LINGO2: variants seen among roughly 807,000 people sequenced by gnomAD.
LINGO2 encodes leucine rich repeat and Ig domain containing 2.
A neutral mutation model predicts 30.6 loss-of-function variants in LINGO2; 14 were observed. That is an observed-to-expected ratio of 0.46 (90% CI 0.30 to 0.72). The LOEUF is 0.72. LINGO2 is among the 30% of genes least tolerant of loss of function. The pLI, the probability that LINGO2 is intolerant of heterozygous loss-of-function variation, is 0.07. For missense variants in LINGO2, 729 were observed against 751.7 expected (o/e 0.97, Z 0.35); for synonymous variants, 317 against 288.5 (o/e 1.10, Z -1.00).
chr9:29,213,030 G>A, the LINGO2 span, among the ~76,000 whole-genome samples: 1 of 152,110 alleles, frequency 6.6e-6, no homozygotes, highest in African/African-American at 2.4e-5. Context: ...AGCTCTGAAG[G>A]CTCCTCCTTT....
At chr9:27,958,359 T>C (rs913073524) in intron 5 of LINGO2, among the ~76,000 whole-genome samples, 1 of 152,188 alleles carries the variant, frequency 6.6e-6, no homozygotes, top group African/African-American at 2.4e-5. Flanking sequence ...TGTTAATATT[T>C]GGTCAGTAGT....
chr9:29,152,659 G>T, the LINGO2 span, among the ~76,000 whole-genome samples: 3 of 152,078 alleles, frequency 2.0e-5, no homozygotes, highest in Non-Finnish European at 4.4e-5. Context: ...AGGAGGAAAT[G>T]GGGAAAGGCT....
At chr9:28,647,893 CTTT>C (rs5897315) in intron 1 of LINGO2, among the ~76,000 whole-genome samples, 1,847 of 130,200 alleles carry the variant, frequency 0.014, 34 homozygotes, top group African/African-American at 0.047. Context: ...TTCTTTCTTT[CTTT>C]TTTTTTTTTT....
At chr9:29,101,741 G>T in the LINGO2 span, among the ~76,000 whole-genome samples, 2 of 152,084 alleles carry the variant, frequency 1.3e-5, no homozygotes, top group Non-Finnish European at 2.9e-5. Flanking sequence ...CAAATGACAG[G>T]ATCTCACTCT....
chr9:28,799,554 C>T, the LINGO2 span, among the ~76,000 whole-genome samples: 7 of 152,072 alleles, frequency 4.6e-5, 1 homozygote, highest in African/African-American at 1.4e-4. Context: ...GTTTTAAGAA[C>T]TGAGAGGAGA....
the LINGO2 span, among the ~76,000 whole-genome samples, chr9:28,996,076 T>C: frequency 6.6e-5 from 10 of 151,756 alleles, no homozygotes; most frequent in African/African-American, 2.4e-4. Context: ...AATGTGAAGT[T>C]TTTGATAGGC....
At chr9:27,976,319 C>T (rs1820592681) in intron 5 of LINGO2, among the ~76,000 whole-genome samples, 1 of 151,848 alleles carries the variant, frequency 6.6e-6, no homozygotes, top group Non-Finnish European at 1.5e-5. Flanking sequence ...AAGTATGGGG[C>T]CCCCAAAATC....
At chr9:27,944,065 A>G (rs906426222), downstream of LINGO2, 3 of 152,118 alleles carry the variant, frequency 2.0e-5, no homozygotes, top group Non-Finnish European at 2.9e-5. Context: ...AAACATCTTA[A>G]TTATGTATTT....
chr9:28,982,315 T>C, the LINGO2 span, among the ~76,000 whole-genome samples: 2 of 152,062 alleles, frequency 1.3e-5, no homozygotes, highest in Admixed American at 1.3e-4. Flanking sequence ...TTACTAATAA[T>C]TGAAAAAGTC....
At chr9:29,003,735 G>A in the LINGO2 span, among the ~76,000 whole-genome samples, 1,866 of 152,036 alleles carry the variant, frequency 0.012, 40 homozygotes, top group African/African-American at 0.043. Flanking sequence ...CCAGAGAATC[G>A]CCAAGCCTTT....
intron 3 of LINGO2, among the ~76,000 whole-genome samples, chr9:28,309,567 A>G (rs898202796): frequency 8.5e-5 from 13 of 152,048 alleles, no homozygotes; most frequent in African/African-American, 3.1e-4. Context: ...ATGGACCCTA[A>G]AAGTTAAAGT....
the LINGO2 span, among the ~76,000 whole-genome samples, chr9:29,198,855 G>A: frequency 6.6e-6 from 1 of 152,186 alleles, no homozygotes; most frequent in East Asian, 1.9e-4. Flanking sequence ...ATTTCCAGGG[G>A]CTGGGGGAGA....
chr9:28,828,219 C>G, the LINGO2 span, among the ~76,000 whole-genome samples: 1 of 151,756 alleles, frequency 6.6e-6, no homozygotes, highest in Non-Finnish European at 1.5e-5. Flanking sequence ...CCAACTAGAC[C>G]AGGTTGTCTT....
intron 1 of LINGO2, among the ~76,000 whole-genome samples, chr9:28,605,597 G>A (rs1014511827): frequency 2.6e-5 from 4 of 151,926 alleles, no homozygotes; most frequent in African/African-American, 9.7e-5. Context: ...AAGTAACAAG[G>A]GAAGGCTTTT....
the LINGO2 span, among the ~76,000 whole-genome samples, chr9:28,681,644 T>C: frequency 6.6e-6 from 1 of 152,118 alleles, no homozygotes; most frequent in Non-Finnish European, 1.5e-5. Context: ...GGGTTAAAGC[T>C]ACACTGGCTA....
intron 4 of LINGO2, among the ~76,000 whole-genome samples, chr9:28,195,690 C>T (rs1819987437): frequency 6.6e-6 from 1 of 151,392 alleles, no homozygotes; most frequent in African/African-American, 2.4e-5. Context: ...CTTCCATCAA[C>T]AAACATCTCC....
chr9:28,189,654 AG>A (rs1311751829), intron 4 of LINGO2, among the ~76,000 whole-genome samples: 6 of 77,694 alleles, frequency 7.7e-5, no homozygotes, highest in Non-Finnish European at 1.7e-4. Flanking sequence ...GGAGGGAGGA[AG>A]GAAGGAAGGA....
the LINGO2 span, among the ~76,000 whole-genome samples, chr9:28,718,732 C>T: frequency 2.6e-3 from 393 of 152,136 alleles, 3 homozygotes; most frequent in African/African-American, 9.1e-3. Context: ...TACTGGCATA[C>T]TTAACTCATT....
intron 3 of LINGO2, among the ~76,000 whole-genome samples, chr9:28,331,469 T>G (rs1346392300): frequency 6.6e-6 from 1 of 152,124 alleles, no homozygotes. Flanking sequence ...TTCTGATGCA[T>G]ATAAATTCTT....
Sources: allele counts gnomAD v4.1 joint callset (sites outside exome capture counted in the v4.1 genomes callset), GRCh38; gene constraint gnomAD v4.1.1; transcripts MANE v1.5; gene names NCBI Gene and HGNC (gene_info 2026-07-23, HGNC 2026-07-21).